Variants in WDR12 observed in about 807,000 individuals in gnomAD.
WDR12 encodes WD repeat domain 12.
WDR12 carries 42 observed loss-of-function variants against 64.3 expected under a neutral mutation model. The ratio of observed to expected loss-of-function variants is 0.65; its 90% CI spans 0.51 to 0.84. The LOEUF (loss-of-function observed/expected upper bound fraction) is 0.84. Ranked by LOEUF, WDR12 falls within the 40% of genes least tolerant of loss-of-function variation. The pLI is 0.00. For missense variants in WDR12, 469 were observed against 494.6 expected, an observed-to-expected ratio of 0.95 and a Z score of 0.49; for synonymous variants, 158 against 173.3, an observed-to-expected ratio of 0.91 and a Z score of 0.70.
intron 2 of WDR12, among the ~76,000 whole-genome samples, chr2:202,902,987 G>A (rs1031053173): frequency 6.6e-6 from 1 of 152,146 alleles, no homozygotes; most frequent in Non-Finnish European, 1.5e-5. Context: ...GCTGAAGCAG[G>A]AGAATTGCTT....
intron 2 of WDR12, among the ~76,000 whole-genome samples, chr2:202,901,421 T>G (rs1266794606): frequency 6.6e-6 from 1 of 152,190 alleles, no homozygotes; most frequent in African/African-American, 2.4e-5. Flanking sequence ...ATCATCTATA[T>G]TCCACCCTCC....
rs1253528556 is a variant in WDR12 at position 202,893,285 on chromosome 2, TTA to T, written c.656-585_656-584del. Among the ~76,000 whole-genome samples, 28 of 152,260 alleles carry T rather than the reference TTA, an allele frequency of 1.8e-4. No homozygotes were observed. The East Asian group carries it at 5.2e-3, about 28-fold the overall frequency. ...TATGTTATATATAGTAACATGCATA[TTA>T]TGTTACATTAAATATGTAACAAAAT... On this transcript the variant is annotated intron_variant, in intron 7 of 12. Coordinates refer to ENST00000261015, the MANE Select transcript of WDR12 (RefSeq NM_018256.4).
At chr2:202,886,792 A>C (rs1056157228) in intron 8 of WDR12, among the ~76,000 whole-genome samples, 2 of 147,270 alleles carry the variant, frequency 1.4e-5, no homozygotes, top group African/African-American at 4.9e-5. Context: ...AAAAAAGAGG[A>C]AAAGAATTCT....
At chr2:202,890,456 G>A (rs537835978) in intron 8 of WDR12, among the ~76,000 whole-genome samples, 1 of 152,242 alleles carries the variant, frequency 6.6e-6, no homozygotes, top group East Asian at 1.9e-4. Flanking sequence ...GTAATTACTT[G>A]AGTATACATA....
At position 202,877,767 on chromosome 2, in the gene WDR12, G is replaced by C. The variant is rs1171439570; in HGVS notation, c.*3093C>G. 4 of 152,208 alleles carry C rather than the reference G, an allele frequency of 2.6e-5. No homozygotes were observed. Among genetic ancestry groups the C allele is most frequent in the Non-Finnish European group, 4.4e-5 (3 of 68,056 alleles). The allele number at this position is 152,208 out of a possible 1,614,324, so 9.4% of individuals were successfully genotyped here. A position where few individuals can be genotyped will look rare whatever the true frequency, so the allele number is the denominator to read the frequency against. ...CAGCATAACTAGTACCGGTCAGCAGGTTCTGAGCACTGCATTGTCAGGTTC... is the reference window on the plus strand; with the variant it reads ...CAGCATAACTAGTACCGGTCAGCAGCTTCTGAGCACTGCATTGTCAGGTTC... On this transcript the variant is annotated 3_prime_UTR_variant, in exon 13 of 13. Transcript: ENST00000261015.
At chr2:202,902,009 C>T (rs1688356815) in intron 2 of WDR12, among the ~76,000 whole-genome samples, 1 of 152,164 alleles carries the variant, frequency 6.6e-6, no homozygotes, top group Admixed American at 6.5e-5. Flanking sequence ...CACCATAATG[C>T]TCCTTGTCAG....
At chr2:202,910,730 G>A (rs924849789) in intron 1 of WDR12, among the ~76,000 whole-genome samples, 26 of 152,252 alleles carry the variant, frequency 1.7e-4, no homozygotes, top group African/African-American at 6.3e-4. Context: ...TATACTTTCA[G>A]CAACAACACA....
Position 202,911,512 on chromosome 2 carries a change from AC to A in WDR12, c.-37del. Reference sequence around the variant, plus strand: ...ACACACGACTTGCCCACGGAAACGTACGGGTTAGCAGACCCACAACACGAAG... The same window carrying A: ...ACACACGACTTGCCCACGGAAACGTAGGGTTAGCAGACCCACAACACGAAG... On this transcript the variant is annotated 5_prime_UTR_variant, in exon 1 of 13. Transcript: ENST00000261015. 6.2e-7 allele frequency: 1 copy of A among 1,609,466 alleles called. No individual in the cohort carries two copies. The highest frequency in any genetic ancestry group is 1.1e-5 in the South Asian group (1 of 90,994).
In WDR12 at chr2:202,878,888, A is replaced by G. The variant is rs1687904719; in HGVS notation, c.*1972T>C. ...ATACATTTACTTTAAATATTTTTAT[A>G]TAACACATGCATAAAGATAAATGCT... On this transcript the variant is annotated 3_prime_UTR_variant, in exon 13 of 13. Coordinates refer to ENST00000261015, the MANE Select transcript of WDR12 (RefSeq NM_018256.4). 2 of 152,268 alleles carry G rather than the reference A, an allele frequency of 1.3e-5. No individual in the cohort carries two copies. The highest frequency in any genetic ancestry group is 2.4e-5 in the African/African-American group (1 of 41,470). The allele number at this position is 152,268 out of a possible 1,614,324, so 9.4% of individuals were successfully genotyped here.
intron 4 of WDR12, among the ~76,000 whole-genome samples, chr2:202,897,888 CAA>C (rs10637220): frequency 2.3e-4 from 17 of 74,188 alleles, no homozygotes; most frequent in Admixed American, 6.4e-4. Flanking sequence ...GACTCCGTTT[CAA>C]AAAAAAAAAA....
rs933663384 is a variant in WDR12 at position 202,875,384 on chromosome 2, T to G, written c.*5476A>C. 2 of 148,766 alleles carry G rather than the reference T, an allele frequency of 1.3e-5. No individual in the cohort carries two copies. The highest frequency in any genetic ancestry group is 4.9e-5 in the African/African-American group (2 of 41,078). 9.2% of individuals were successfully genotyped at this position (148,766 alleles called of 1,614,324 possible). The stretch of plus-strand genomic sequence containing the variant: ...ACAAATGTCACTTAAATTTATGTAT[T>G]ACTTTTTTTTTTTTTTTTTTTGAGA... On this transcript the variant is annotated 3_prime_UTR_variant, in exon 13 of 13. Transcript: ENST00000261015.
intron 8 of WDR12, among the ~76,000 whole-genome samples, chr2:202,887,361 T>C (rs959441691): frequency 2.0e-5 from 3 of 152,172 alleles, no homozygotes; most frequent in African/African-American, 7.2e-5. Context: ...ACAACACTTA[T>C]AATTGTAAAA....
chr2:202,889,545 A>G (rs1003180034), intron 8 of WDR12, among the ~76,000 whole-genome samples: 1 of 152,252 alleles, frequency 6.6e-6, no homozygotes. Context: ...TGAACATTTC[A>G]TAATTATCAA....
chr2:202,902,164 T>C (rs1386600125), intron 2 of WDR12, among the ~76,000 whole-genome samples: 1 of 147,048 alleles, frequency 6.8e-6, no homozygotes, highest in East Asian at 1.9e-4. Flanking sequence ...TACCCAACTA[T>C]TTGGGTAACA....
Position 202,907,950 on chromosome 2 carries a change from T to C in WDR12, c.51A>G (p.Val17=). 6.2e-7 allele frequency: 1 copy of C among 1,613,944 alleles called. No homozygotes were observed. Among genetic ancestry groups the C allele is most frequent in the Non-Finnish European group, 8.5e-7 (1 of 1,179,834 alleles). ...CAGGGATTGAGAAGGGAACATCATC[T>C]ACGGCATATCTATAAAAAGGAAATG... is the stretch of plus-strand genomic sequence containing the variant. The part of the protein sequence containing the change: ...RFYTDNKKYA[V]DDVPFSIPAA... The change falls in exon 2 of 13, where the codon GTA becomes GTG. Residue 17 remains valine (V), a synonymous_variant. Transcript: ENST00000261015.
intron 4 of WDR12, among the ~76,000 whole-genome samples, chr2:202,898,741 C>T (rs1688296244): frequency 6.6e-6 from 1 of 151,896 alleles, no homozygotes; most frequent in South Asian, 2.1e-4. Context: ...TTACTTTTTT[C>T]CTTTATGAAA....
At chr2:202,888,423 C>G (rs750809653) in intron 8 of WDR12, among the ~76,000 whole-genome samples, 1 of 151,998 alleles carries the variant, frequency 6.6e-6, no homozygotes, top group African/African-American at 2.4e-5. Context: ...AGTTATACAC[C>G]AAAAAGTGAA....
At chr2:202,890,640 G>A (rs934224710) in intron 8 of WDR12, among the ~76,000 whole-genome samples, 5 of 151,780 alleles carry the variant, frequency 3.3e-5, no homozygotes, top group African/African-American at 9.7e-5. Flanking sequence ...GCATGGTGGC[G>A]GGTGCCTATA....
rs1472798004 is a variant in WDR12 at position 202,899,497 on chromosome 2, C to A, written c.338+34G>T. 1.5e-5 allele frequency: 24 copies of A among 1,581,890 alleles called. No homozygotes were observed. The Admixed American group carries it at 4.1e-4, about 27-fold the overall frequency. The stretch of plus-strand genomic sequence containing the variant: ...AAGACTGAAGGAGGTAAAAACAAAA[C>A]AAAAAAAAGAGAAGGGCATTAATCT... On this transcript the variant is annotated intron_variant, in intron 4 of 12. Coordinates refer to ENST00000261015, the MANE Select transcript of WDR12 (RefSeq NM_018256.4).
Sources: allele counts gnomAD v4.1 joint callset (sites outside exome capture counted in the v4.1 genomes callset), GRCh38; gene constraint gnomAD v4.1.1; transcripts MANE v1.5; gene names NCBI Gene and HGNC (gene_info 2026-07-23, HGNC 2026-07-21).